Variants in ASTN2 observed in about 807,000 individuals in gnomAD.
The protein encoded by ASTN2 is astrotactin-2.
A neutral mutation model predicts 139.8 loss-of-function variants in ASTN2; 54 were observed. That is an observed-to-expected ratio of 0.39 (90% CI 0.31 to 0.48). The LOEUF is 0.48. ASTN2 is among the 20% of genes least tolerant of loss of function. The probability of loss-of-function intolerance (pLI) is 0.95; values close to 1 mark genes in which losing one functional copy is unlikely to be tolerated. For missense variants in ASTN2, 1,565 were observed against 1,725.1 expected, an observed-to-expected ratio of 0.91 and a Z score of 1.64; for synonymous variants, 756 against 719.5, an observed-to-expected ratio of 1.05 and a Z score of -0.81.
At chr9:117,235,975 A>T (rs1364939171) in intron 2 of ASTN2, among the ~76,000 whole-genome samples, 1 of 152,220 alleles carries the variant, frequency 6.6e-6, no homozygotes, top group Non-Finnish European at 1.5e-5. Flanking sequence ...AACTAAAGGC[A>T]GGTCTTTCTG....
intron 1 of ASTN2, among the ~76,000 whole-genome samples, chr9:117,301,759 A>G (rs1159932203): frequency 6.6e-6 from 1 of 152,160 alleles, no homozygotes; most frequent in East Asian, 1.9e-4. Context: ...TAAGATGCAA[A>G]TATCTCCTGG....
chr9:117,039,545 G>A (rs7019131), intron 6 of ASTN2, among the ~76,000 whole-genome samples: 103,002 of 151,756 alleles, frequency 0.68, 35,601 homozygotes, highest in East Asian at 0.85. Context: ...ATGTATACCT[G>A]TGCAACAAAC....
chr9:117,132,471 C>T (rs1443736182), intron 4 of ASTN2, among the ~76,000 whole-genome samples: 4 of 152,172 alleles, frequency 2.6e-5, no homozygotes, highest in Admixed American at 6.5e-5. Context: ...AGGATCTGGT[C>T]GTGAGCCTTC....
At chr9:117,064,823 G>C (rs1246477376) in intron 5 of ASTN2, among the ~76,000 whole-genome samples, 1 of 151,490 alleles carries the variant, frequency 6.6e-6, no homozygotes, top group African/African-American at 2.4e-5. Context: ...CAAGATTTTT[G>C]AGCTACTCTC....
At chr9:116,512,302 T>C (rs902319209) in intron 19 of ASTN2, among the ~76,000 whole-genome samples, 2 of 152,194 alleles carry the variant, frequency 1.3e-5, no homozygotes, top group Middle Eastern at 3.2e-3. Context: ...TTCCAGGTAG[T>C]TGAGTGGTTT....
intron 13 of ASTN2, among the ~76,000 whole-genome samples, chr9:116,773,847 T>C (rs1199770437): frequency 6.6e-6 from 1 of 152,096 alleles, no homozygotes; most frequent in East Asian, 1.9e-4. Context: ...CAGATACAGA[T>C]ATTTAGCCTA....
intron 11 of ASTN2, among the ~76,000 whole-genome samples, chr9:116,832,768 T>C (rs138439695): frequency 2.4e-4 from 36 of 152,178 alleles, no homozygotes; most frequent in Middle Eastern, 3.4e-3. Context: ...AATATTTTGT[T>C]AAGGATTTTT....
chr9:116,820,497 G>T, intron 12 of ASTN2, 120 bp downstream of exon 12: 1 of 1,314,792 alleles, frequency 7.6e-7, no homozygotes. Flanking sequence ...AGGAAAGGCA[G>T]AAAGGCCATT....
At chr9:116,888,710 A>T (rs950196702) in intron 10 of ASTN2, among the ~76,000 whole-genome samples, 1 of 151,966 alleles carries the variant, frequency 6.6e-6, no homozygotes, top group Non-Finnish European at 1.5e-5. Flanking sequence ...TAAAAAAAAA[A>T]ATAAGTTCTG....
chr9:117,302,363 C>T (rs1834897845), intron 1 of ASTN2, among the ~76,000 whole-genome samples: 1 of 152,110 alleles, frequency 6.6e-6, no homozygotes, highest in African/African-American at 2.4e-5. Flanking sequence ...AGCAACTTGC[C>T]TTAAATCACA....
rs1238354138 is a variant in ASTN2 at position 116,784,745 on chromosome 9, C to G, written c.2396+20887G>C. On this transcript the variant is annotated intron_variant, in intron 13 of 22. Coordinates refer to ENST00000313400, the MANE Select transcript of ASTN2 (RefSeq NM_001365068.1). Reference sequence around the variant, plus strand: ...GGGAGTTCGAGACCAGCCTGACCAACATGGAGAAACCCTGTCTCTACTGAA... The same window carrying G: ...GGGAGTTCGAGACCAGCCTGACCAAGATGGAGAAACCCTGTCTCTACTGAA... 2.0e-5 allele frequency among the ~76,000 whole-genome samples: 3 copies of G among 151,962 alleles called. No homozygotes were observed. The East Asian group carries it at 5.8e-4, about 29-fold the overall frequency.
intron 5 of ASTN2, among the ~76,000 whole-genome samples, chr9:117,086,436 T>C (rs1191262642): frequency 6.6e-6 from 1 of 151,984 alleles, no homozygotes; most frequent in Non-Finnish European, 1.5e-5. Context: ...TAGCCAAACA[T>C]GGTGGCACGT....
chr9:116,976,542 T>G (rs775553454), intron 8 of ASTN2, among the ~76,000 whole-genome samples, 159 bp downstream of exon 8: 9 of 152,224 alleles, frequency 5.9e-5, no homozygotes, highest in Non-Finnish European at 1.3e-4. Flanking sequence ...TGTGATTCCA[T>G]GGGAAAGTAG....
chr9:117,381,872 G>A (rs541995602), intron 1 of ASTN2, among the ~76,000 whole-genome samples: 9 of 152,154 alleles, frequency 5.9e-5, no homozygotes, highest in Middle Eastern at 3.4e-3. Flanking sequence ...AATGAATGAG[G>A]TAGAGAGGGT....
At chr9:116,750,160 T>C (rs879165168) in intron 13 of ASTN2, among the ~76,000 whole-genome samples, 2 of 152,000 alleles carry the variant, frequency 1.3e-5, no homozygotes, top group African/African-American at 4.8e-5. Flanking sequence ...GACAGCAAAT[T>C]AAAGAAAAAT....
chr9:116,876,504 C>G (rs954634321), intron 10 of ASTN2, among the ~76,000 whole-genome samples: 1 of 152,166 alleles, frequency 6.6e-6, no homozygotes, highest in Non-Finnish European at 1.5e-5. Context: ...TCAAAAAGTT[C>G]TGTGGGTAAA....
intron 16 of ASTN2, among the ~76,000 whole-genome samples, chr9:116,720,306 C>T (rs10983318): frequency 0.26 from 39,989 of 152,108 alleles, 5,984 homozygotes; most frequent in Admixed American, 0.4. Context: ...TTAAAAGTGG[C>T]GACATGTATT....
chr9:117,386,077 A>G (rs1830391188), intron 1 of ASTN2, among the ~76,000 whole-genome samples: 1 of 152,154 alleles, frequency 6.6e-6, no homozygotes, highest in Non-Finnish European at 1.5e-5. Flanking sequence ...TAAGTTGCTA[A>G]GGTTACCTTC....
intron 1 of ASTN2, among the ~76,000 whole-genome samples, chr9:117,407,823 GCT>G (rs199648281): frequency 6.6e-6 from 1 of 152,064 alleles, no homozygotes; most frequent in Non-Finnish European, 1.5e-5. Flanking sequence ...AGAAAAACCA[GCT>G]CTCTCTCTCT....
Sources: gnomAD v4.1 joint callset for allele counts (sites outside exome capture counted in the v4.1 genomes callset) on GRCh38, gnomAD v4.1.1 for gene constraint, MANE v1.5 for transcripts, NCBI Gene and HGNC (gene_info 2026-07-23, HGNC 2026-07-21) for gene names.